Variants in STK39 observed in about 807,000 individuals in gnomAD.
The protein encoded by STK39 is serine/threonine kinase 39, also known as STE20/SPS1-related proline-alanine-rich protein kinase.
In STK39, 20 loss-of-function variants were observed where a neutral mutation model predicts 77.8. The ratio of observed to expected loss-of-function variants is 0.26; its 90% CI spans 0.18 to 0.37. The LOEUF (loss-of-function observed/expected upper bound fraction) is 0.37. Among genes scored for constraint, STK39 ranks in the 10% least tolerant of loss-of-function variants. STK39 has a pLI of 1.00. For missense variants in STK39, 479 were observed against 656.5 expected, an observed-to-expected ratio of 0.73 and a Z score of 2.95; for synonymous variants, 246 against 234.1, an observed-to-expected ratio of 1.05 and a Z score of -0.47.
intron 1 of STK39, among the ~76,000 whole-genome samples, chr2:168,230,466 C>T (rs1690425455): frequency 1.3e-5 from 2 of 152,164 alleles, no homozygotes; most frequent in African/African-American, 2.4e-5. Context: ...AACACGCGAG[C>T]GAGACCATCT....
At chr2:168,138,927 T>TA (rs934750333) in intron 7 of STK39, among the ~76,000 whole-genome samples, 105 of 151,350 alleles carry the variant, frequency 6.9e-4, no homozygotes, top group South Asian at 2.7e-3. Flanking sequence ...GTATTTGCTT[T>TA]AAAAAAAAAG....
intron 15 of STK39, among the ~76,000 whole-genome samples, chr2:168,014,175 T>A (rs543910256): frequency 6.6e-6 from 1 of 152,324 alleles, no homozygotes; most frequent in Non-Finnish European, 1.5e-5. Flanking sequence ...GGCTTTGCCC[T>A]TTTTGCCAGC....
At chr2:168,090,808 T>G (rs1279963453) in intron 10 of STK39, among the ~76,000 whole-genome samples, 2 of 152,012 alleles carry the variant, frequency 1.3e-5, no homozygotes, top group African/African-American at 4.8e-5. Flanking sequence ...TAGTGATGAG[T>G]ATAGGGAGGC....
chr2:168,212,803 A>C (rs998710537), intron 1 of STK39, among the ~76,000 whole-genome samples: 22 of 152,166 alleles, frequency 1.4e-4, no homozygotes, highest in African/African-American at 5.3e-4. Flanking sequence ...TCCTCCGATC[A>C]TCCTCTCCCT....
chr2:168,076,674 T>C (rs1686086463), intron 10 of STK39, among the ~76,000 whole-genome samples: 1 of 152,182 alleles, frequency 6.6e-6, no homozygotes, highest in Non-Finnish European at 1.5e-5. Context: ...CAAATAGTTA[T>C]GCTCATTTTT....
At chr2:168,103,970 C>T (rs1574468091) in intron 10 of STK39, among the ~76,000 whole-genome samples, 1 of 152,162 alleles carries the variant, frequency 6.6e-6, no homozygotes, top group Non-Finnish European at 1.5e-5. Flanking sequence ...ACTGGTTGAA[C>T]TATGGTATGT....
chr2:168,056,565 G>A (rs1277877708), intron 14 of STK39, among the ~76,000 whole-genome samples: 12 of 152,104 alleles, frequency 7.9e-5, no homozygotes, highest in African/African-American at 2.2e-4. Flanking sequence ...AGATAGGCTC[G>A]GGGATAAGAA....
intron 5 of STK39, among the ~76,000 whole-genome samples, chr2:168,148,754 C>G (rs1468710423): frequency 6.6e-6 from 1 of 152,192 alleles, no homozygotes; most frequent in Admixed American, 6.5e-5. Flanking sequence ...CAGAGGCATA[C>G]TGTGGGATCC....
intron 14 of STK39, among the ~76,000 whole-genome samples, chr2:168,018,453 ACT>A: frequency 6.6e-6 from 1 of 151,926 alleles, no homozygotes; most frequent in African/African-American, 2.4e-5. Context: ...AAATCACACC[ACT>A]GCATTACAGC....
At chr2:168,175,182 A>G (rs562037778) in intron 2 of STK39, among the ~76,000 whole-genome samples, 2 of 152,318 alleles carry the variant, frequency 1.3e-5, no homozygotes, top group African/African-American at 4.8e-5. Flanking sequence ...AAGAACGACA[A>G]TAACATAGGA....
At chr2:168,237,495 G>A (rs1231814999) in intron 1 of STK39, among the ~76,000 whole-genome samples, 2 of 152,306 alleles carry the variant, frequency 1.3e-5, no homozygotes, top group Middle Eastern at 6.8e-3. Context: ...AATAGGAGTG[G>A]TGAGAGAGTG....
intron 5 of STK39, among the ~76,000 whole-genome samples, chr2:168,155,293 C>G (rs968452045): frequency 6.6e-6 from 1 of 152,196 alleles, no homozygotes. Context: ...CCAAGTATTT[C>G]TCACTGATGG....
intron 10 of STK39, among the ~76,000 whole-genome samples, chr2:168,110,100 A>C (rs1490127424): frequency 6.6e-6 from 1 of 152,238 alleles, no homozygotes; most frequent in Non-Finnish European, 1.5e-5. Flanking sequence ...CTTATTTAAA[A>C]ATATCTGAGC....
chr2:167,986,790 T>TA (rs1192808695), intron 16 of STK39, among the ~76,000 whole-genome samples: 1 of 152,102 alleles, frequency 6.6e-6, no homozygotes, highest in African/African-American at 2.4e-5. Context: ...TTGGTTACCT[T>TA]AGGGAAGGCA....
chr2:168,056,371 G>A (rs1685526625), intron 14 of STK39, among the ~76,000 whole-genome samples: 2 of 152,084 alleles, frequency 1.3e-5, no homozygotes, highest in Admixed American at 1.3e-4. Flanking sequence ...GAGGAAGGAA[G>A]CCACGTTCCC....
Position 168,063,273 on chromosome 2 carries a change from C to T in STK39, c.1376+227G>A, listed in dbSNP as rs72887662. On this transcript the variant is annotated intron_variant, in intron 14 of 17. Transcript: ENST00000355999. ...GAAATAAAACATAATGAAAGGTACA[C>T]TGAGCCTGCAGACACACTCATATGG... 5.8e-3 allele frequency among the ~76,000 whole-genome samples: 885 copies of T among 152,212 alleles called. 9 individuals carry two copies. Among genetic ancestry groups the T allele is most frequent in the Non-Finnish European group, 7.6e-3 (518 of 68,012 alleles).
intron 12 of STK39, among the ~76,000 whole-genome samples, chr2:168,070,032 T>C (rs375784215): frequency 3.0e-4 from 45 of 152,326 alleles, no homozygotes; most frequent in African/African-American, 9.9e-4. Context: ...CATGTACTTA[T>C]TATTTTTGAC....
At chr2:168,085,337 C>G (rs948375667) in intron 10 of STK39, among the ~76,000 whole-genome samples, 2 of 152,198 alleles carry the variant, frequency 1.3e-5, no homozygotes, top group Non-Finnish European at 2.9e-5. Flanking sequence ...GCTGGCCACC[C>G]ACGCCTGGCT....
intron 1 of STK39, among the ~76,000 whole-genome samples, chr2:168,246,909 T>C (rs1046512553): frequency 1.3e-5 from 2 of 151,768 alleles, no homozygotes; most frequent in African/African-American, 2.4e-5. Flanking sequence ...GGGAGGAAGA[T>C]GCGGCGGCGC....
Sources: allele counts gnomAD v4.1 joint callset (sites outside exome capture counted in the v4.1 genomes callset), GRCh38; gene constraint gnomAD v4.1.1; transcripts MANE v1.5; gene names NCBI Gene and HGNC (gene_info 2026-07-23, HGNC 2026-07-21).